SNAP29: variants seen among roughly 807,000 people sequenced by gnomAD.
SNAP29 encodes the protein synaptosome associated protein 29.
In SNAP29, 13 loss-of-function variants were observed where a neutral mutation model predicts 27.9. The observed-to-expected ratio is 0.47, with a 90% CI of 0.30 to 0.74. SNAP29 has a LOEUF of 0.74. Ranked by LOEUF, SNAP29 falls within the 30% of genes least tolerant of loss-of-function variation. The pLI, the probability that SNAP29 is intolerant of heterozygous loss-of-function variation, is 0.06. For missense variants in SNAP29, 368 were observed against 336.5 expected, an observed-to-expected ratio of 1.09 and a Z score of -0.73; for synonymous variants, 119 against 127.1, an observed-to-expected ratio of 0.94 and a Z score of 0.43.
At chr22:20,862,066 G>A (rs775829351) in intron 1 of SNAP29, among the ~76,000 whole-genome samples, 3 of 152,140 alleles carry the variant, frequency 2.0e-5, no homozygotes, top group Admixed American at 6.5e-5. Context: ...CACTGCGCCC[G>A]GTCCTAACCT....
Position 20,874,349 on chromosome 22 carries a change from C to CCA in SNAP29, c.434+3862_434+3863dup, listed in dbSNP as rs361854. ...ACACACACACACACACGAAAATTAG[C>CCA]CACACACACACACACACACACACAC... On this transcript the variant is annotated intron_variant, in intron 2 of 4. Coordinates refer to ENST00000215730, the MANE Select transcript of SNAP29 (RefSeq NM_004782.4). Among the ~76,000 whole-genome samples the CCA allele has an allele frequency of 3.1e-3, 388 of 123,536 alleles. 1 individual carries two copies. The highest frequency in any genetic ancestry group is 8.5e-3 in the African/African-American group (289 of 33,888). The allele number at this position is 123,536 out of a possible 152,430, so 81.0% of individuals were successfully genotyped here. A position where few individuals can be genotyped will look rare whatever the true frequency, so the allele number is the denominator to read the frequency against.
chr22:20,886,721 C>T (rs933495337), intron 4 of SNAP29, among the ~76,000 whole-genome samples: 9 of 152,082 alleles, frequency 5.9e-5, no homozygotes, highest in Admixed American at 2.6e-4. Context: ...AAGTGATTCT[C>T]TTGCCTCAGC....
chr22:20,870,449 G>A lies in SNAP29; in HGVS notation c.350G>A (p.Gly117Glu). 6.2e-7 allele frequency: 1 copy of A among 1,614,158 alleles called. No individual in the cohort carries two copies. Residue 117 changes from glycine (G) to glutamate (E), a missense_variant, in exon 2 of 5, where the codon GGG becomes GAG. Coordinates refer to ENST00000215730, the MANE Select transcript of SNAP29 (RefSeq NM_004782.4). ...KHINSIKSVF[G>E]GLVNYFKSKP... is the part of the protein sequence containing the mutation. The stretch of plus-strand genomic sequence containing the variant: ...ATCAATAGCATTAAGAGCGTGTTTG[G>A]GGGGCTGGTCAATTACTTCAAATCC...
intron 4 of SNAP29, among the ~76,000 whole-genome samples, chr22:20,886,870 C>T (rs1241857563): frequency 6.6e-6 from 1 of 152,036 alleles, no homozygotes; most frequent in African/African-American, 2.4e-5. Context: ...ACCTCAGCCT[C>T]TCAAAGTGCT....
chr22:20,870,567 A>G, intron 2 of SNAP29, 34 bp downstream of exon 2: 1 of 1,594,936 alleles, frequency 6.3e-7, no homozygotes, highest in Non-Finnish European at 8.6e-7. Flanking sequence ...GGTATAAAGG[A>G]GCAGAAGTGG....
In SNAP29 at chr22:20,870,379, A is replaced by G. The variant is rs150151231; in HGVS notation, c.280A>G (p.Met94Val). The change falls in exon 2 of 5, where the codon ATG becomes GTG. Residue 94 changes from methionine to valine, a missense_variant. By Grantham distance (21) the Met-to-Val change is conservative (BLOSUM62 1). Transcript: ENST00000215730. ...AGGAGTCCTGGAGCGCACAGAGAAG[A>G]TGGTGGACAAGATGGACCAAGATTT... Reference protein sequence around the residue: ...QRGVLERTEKMVDKMDQDLKI... With the variant: ...QRGVLERTEKVVDKMDQDLKI... 3 of 1,614,028 alleles carry G rather than the reference A, an allele frequency of 1.9e-6. No individual in the cohort carries two copies. In the African/African-American group the frequency reaches 4.0e-5, roughly 22 times the overall value.
intron 1 of SNAP29, among the ~76,000 whole-genome samples, chr22:20,868,277 T>TA (rs1928507524): frequency 6.6e-6 from 1 of 152,090 alleles, no homozygotes; most frequent in Non-Finnish European, 1.5e-5. Context: ...ATCTTTTTTT[T>TA]ACTTAAAAAA....
intron 2 of SNAP29, among the ~76,000 whole-genome samples, chr22:20,871,832 A>T (rs1312668103): frequency 6.6e-6 from 1 of 152,068 alleles, no homozygotes; most frequent in African/African-American, 2.4e-5. Context: ...CAGTGAGCTG[A>T]GATCATGCCA....
rs187604770 is a variant in SNAP29, at chr22:20,874,692, T to C, written c.434+4159T>C. ...GCTAAGGTTATGAGGGTTGGTTGGT[T>C]TTTTTGGCTCAGCCATAATCACCAT... On this transcript the variant is annotated intron_variant, in intron 2 of 4. Transcript: ENST00000215730. Among the ~76,000 whole-genome samples, 63 of 152,162 alleles carry C rather than the reference T, an allele frequency of 4.1e-4. 1 individual carries two copies. Among genetic ancestry groups the C allele is most frequent in the African/African-American group, 1.5e-3 (62 of 41,516 alleles).
At position 20,889,482 on chromosome 22, in the gene SNAP29, G is replaced by A. The variant is rs985614866; in HGVS notation, c.*1646G>A. On this transcript the variant is annotated 3_prime_UTR_variant, in exon 5 of 5. Transcript: ENST00000215730. ...TGTGAGGGCCTGATTAAAGCTTATC[G>A]AACTAGACATTTGTTTATTAGATGA... 7 of 152,102 alleles carry A rather than the reference G, an allele frequency of 4.6e-5. No homozygotes were observed. The highest frequency in any genetic ancestry group is 2.6e-4 in the Admixed American group (4 of 15,262). The allele number at this position is 152,102 out of a possible 1,614,324, so 9.4% of individuals were successfully genotyped here.
At chr22:20,884,591 C>T (rs1928970128) in intron 4 of SNAP29, among the ~76,000 whole-genome samples, 2 of 152,204 alleles carry the variant, frequency 1.3e-5, no homozygotes, top group South Asian at 4.1e-4. Context: ...CCTCCTCTCC[C>T]TGTCTCTCAG....
chr22:20,860,912 A>T (rs1437106772), intron 1 of SNAP29, among the ~76,000 whole-genome samples: 2 of 149,622 alleles, frequency 1.3e-5, no homozygotes, highest in African/African-American at 5.1e-5. Context: ...TGGCACACAC[A>T]TGTGAGTGCA....
At chr22:20,886,414 T>C (rs1051853430) in intron 4 of SNAP29, among the ~76,000 whole-genome samples, 1 of 152,036 alleles carries the variant, frequency 6.6e-6, no homozygotes, top group Non-Finnish European at 1.5e-5. Context: ...TTCAAGTGAT[T>C]CTCATGCCTC....
At chr22:20,861,919 G>A (rs1029053487) in intron 1 of SNAP29, among the ~76,000 whole-genome samples, 6 of 152,116 alleles carry the variant, frequency 3.9e-5, no homozygotes, top group Admixed American at 3.3e-4. Flanking sequence ...AGGCGTGAGC[G>A]ACCACACCTG....
At chr22:20,861,260 G>T (rs1181649599) in intron 1 of SNAP29, among the ~76,000 whole-genome samples, 2 of 151,654 alleles carry the variant, frequency 1.3e-5, no homozygotes, top group Non-Finnish European at 2.9e-5. Context: ...TGGGACTAAG[G>T]CGTGCACTAC....
intron 1 of SNAP29, among the ~76,000 whole-genome samples, chr22:20,869,310 C>T (rs1271970030): frequency 6.6e-6 from 1 of 152,108 alleles, no homozygotes; most frequent in Non-Finnish European, 1.5e-5. Flanking sequence ...AGAAGGAATT[C>T]TCCTTTAGGG....
intron 1 of SNAP29, among the ~76,000 whole-genome samples, chr22:20,860,224 C>CG (rs1281494577): frequency 1.3e-5 from 2 of 149,070 alleles, no homozygotes; most frequent in African/African-American, 4.9e-5. Flanking sequence ...CCGGGTGTGG[C>CG]GGTGCGCCTG....
rs763770179 is a variant in SNAP29, at chr22:20,859,176, G to T, written c.66G>T (p.Pro22=). Residue 22 remains proline (P), a synonymous_variant, in exon 1 of 5, where the codon CCG becomes CCT. Coordinates refer to ENST00000215730, the MANE Select transcript of SNAP29 (RefSeq NM_004782.4). ...ACGGGGAGGACGAAGGCGCCCGGCCGGCCCCTTGGAGGGACGCCCGAGACC... is the reference window on the plus strand; with the variant it reads ...ACGGGGAGGACGAAGGCGCCCGGCCTGCCCCTTGGAGGGACGCCCGAGACC... ...DDDGEDEGAR[P]APWRDARDLP... 1 of 1,604,682 alleles carries T rather than the reference G, an allele frequency of 6.2e-7. No homozygotes were observed.
intron 1 of SNAP29, among the ~76,000 whole-genome samples, chr22:20,861,075 C>T (rs73390437): frequency 2.0e-5 from 3 of 151,910 alleles, no homozygotes; most frequent in African/African-American, 7.2e-5. Context: ...CCCTTCCCCA[C>T]CTCTCTCTGT....
Sources: gnomAD v4.1 joint callset for allele counts (sites outside exome capture counted in the v4.1 genomes callset) on GRCh38, gnomAD v4.1.1 for gene constraint, MANE v1.5 for transcripts, NCBI Gene and HGNC (gene_info 2026-07-23, HGNC 2026-07-21) for gene names.